TRDN: variants seen among roughly 807,000 people sequenced by gnomAD.
The protein encoded by TRDN is triadin, also known as triadin in skeletal muscle.
TRDN carries 161 observed loss-of-function variants against 149.7 expected under a neutral mutation model. That is an observed-to-expected ratio of 1.08 (90% CI 0.95 to 1.23). TRDN has a LOEUF of 1.23. Among genes scored for constraint, TRDN ranks in the 50% most tolerant of loss-of-function variants. TRDN has a pLI of 0.00. For synonymous variants in TRDN, 294 were observed against 250.5 expected (o/e 1.17, Z -1.64); for missense variants, 896 against 823.5 (o/e 1.09, Z -1.08).
chr6:123,239,170 G>T (rs1158653869), intron 38 of TRDN, among the ~76,000 whole-genome samples: 1 of 152,084 alleles, frequency 6.6e-6, no homozygotes, highest in Admixed American at 6.6e-5. Context: ...CTTTGTAAGG[G>T]ATATAGAAGT....
intron 1 of TRDN, among the ~76,000 whole-genome samples, chr6:123,626,103 G>T (rs1372753683): frequency 2.0e-5 from 3 of 152,138 alleles, no homozygotes; most frequent in Non-Finnish European, 4.4e-5. Flanking sequence ...ATCCTTTGTA[G>T]TCATTTCAAC....
intron 38 of TRDN, among the ~76,000 whole-genome samples, chr6:123,235,706 C>T (rs1775760737): frequency 6.6e-6 from 1 of 152,070 alleles, no homozygotes; most frequent in Non-Finnish European, 1.5e-5. Flanking sequence ...CCTTTGTTCT[C>T]CTCCTTTATA....
chr6:123,326,214 TA>T (rs568294763), intron 23 of TRDN, among the ~76,000 whole-genome samples: 173 of 152,258 alleles, frequency 1.1e-3, no homozygotes, highest in African/African-American at 3.8e-3. Flanking sequence ...AAATTCAGAA[TA>T]CAGGTTCACA....
intron 1 of TRDN, among the ~76,000 whole-genome samples, chr6:123,581,880 A>C (rs1395851611): frequency 6.6e-6 from 1 of 152,228 alleles, no homozygotes; most frequent in African/African-American, 2.4e-5. Flanking sequence ...TTAAATTTCC[A>C]AGTGGCAACA....
chr6:123,560,817 A>T (rs1781951810), intron 2 of TRDN, among the ~76,000 whole-genome samples: 1 of 152,154 alleles, frequency 6.6e-6, no homozygotes, highest in Non-Finnish European at 1.5e-5. Context: ...TCATCATTTC[A>T]TAACCTCTTC....
intron 20 of TRDN, among the ~76,000 whole-genome samples, chr6:123,364,561 T>C (rs576300146): frequency 1.3e-5 from 2 of 152,200 alleles, no homozygotes; most frequent in East Asian, 1.9e-4. Flanking sequence ...TGCTTGAGAA[T>C]TGCTTGAACC....
chr6:123,571,173 C>T (rs1782559542), intron 1 of TRDN, 41 bp from the exon 2 acceptor site: 3 of 1,597,902 alleles, frequency 1.9e-6, no homozygotes, highest in Non-Finnish European at 8.6e-7. Flanking sequence ...TTTAGAGATT[C>T]ATGGTAAATA....
intron 9 of TRDN, among the ~76,000 whole-genome samples, chr6:123,480,249 CAA>C (rs34445508): frequency 1.6e-4 from 16 of 98,396 alleles, no homozygotes; most frequent in Non-Finnish European, 2.3e-4. Context: ...ACTCCGTTTC[CAA>C]AAAAAAAAAA....
intron 24 of TRDN, among the ~76,000 whole-genome samples, chr6:123,302,797 T>C (rs2114673586): frequency 6.6e-6 from 1 of 152,266 alleles, no homozygotes; most frequent in South Asian, 2.1e-4. Context: ...TTAGGACTCT[T>C]GTTAAAATGC....
intron 32 of TRDN, among the ~76,000 whole-genome samples, chr6:123,267,163 G>A (rs1001177330): frequency 7.0e-6 from 1 of 142,930 alleles, no homozygotes; most frequent in African/African-American, 2.6e-5. Context: ...TTTGAAATGA[G>A]AACTGGTAGA....
chr6:123,382,647 A>G (rs1234397363), intron 14 of TRDN, among the ~76,000 whole-genome samples: 2 of 151,974 alleles, frequency 1.3e-5, no homozygotes, highest in African/African-American at 4.8e-5. Flanking sequence ...AGACATTCTT[A>G]TGGTAATGGA....
At chr6:123,397,579 A>C (rs1173285105) in intron 12 of TRDN, among the ~76,000 whole-genome samples, 1 of 152,190 alleles carries the variant, frequency 6.6e-6, no homozygotes, top group Non-Finnish European at 1.5e-5. Context: ...GACTGCTTTG[A>C]AATGGAACAT....
chr6:123,564,236 G>A (rs192584021), intron 2 of TRDN, among the ~76,000 whole-genome samples: 291 of 152,230 alleles, frequency 1.9e-3, no homozygotes, highest in Non-Finnish European at 3.0e-3. Flanking sequence ...TAGGCCTGGG[G>A]TAGTGAGCAG....
intron 24 of TRDN, among the ~76,000 whole-genome samples, chr6:123,303,227 G>A (rs1325018233): frequency 6.6e-6 from 1 of 152,206 alleles, no homozygotes; most frequent in East Asian, 1.9e-4. Flanking sequence ...ACAGAAAACT[G>A]CCTGTGCATG....
intron 8 of TRDN, chr6:123,501,788 ACT>A (rs1778710350): frequency 7.2e-6 from 6 of 832,440 alleles, no homozygotes; most frequent in South Asian, 5.5e-5. Flanking sequence ...TAGATAAATA[ACT>A]CTTTGTGTAG....
chr6:123,227,721 TTTTG>T (rs200078798), intron 38 of TRDN, among the ~76,000 whole-genome samples: 97 of 135,894 alleles, frequency 7.1e-4, no homozygotes, highest in Middle Eastern at 3.6e-3. Context: ...GCAAGGACTT[TTTTG>T]TTTGTTTGTT....
intron 1 of TRDN, among the ~76,000 whole-genome samples, chr6:123,609,356 C>A (rs1322958405): frequency 2.6e-5 from 4 of 151,902 alleles, no homozygotes; most frequent in Admixed American, 2.6e-4. Flanking sequence ...GTCAGCATAA[C>A]CCCATTTTTG....
At chr6:123,325,481 G>C (rs1779408934) in intron 23 of TRDN, among the ~76,000 whole-genome samples, 1 of 152,084 alleles carries the variant, frequency 6.6e-6, no homozygotes, top group African/African-American at 2.4e-5. Flanking sequence ...GGAGGACAAT[G>C]ACATGAGTGA....
At chr6:123,226,427 C>T (rs1027400687) in intron 38 of TRDN, among the ~76,000 whole-genome samples, 11 of 151,754 alleles carry the variant, frequency 7.2e-5, no homozygotes, top group Non-Finnish European at 1.5e-4. Context: ...TAGATTATAG[C>T]ACACTTGAAA....
Sources: gnomAD v4.1 joint callset for allele counts (sites outside exome capture counted in the v4.1 genomes callset) on GRCh38, gnomAD v4.1.1 for gene constraint, MANE v1.5 for transcripts, NCBI Gene and HGNC (gene_info 2026-07-23, HGNC 2026-07-21) for gene names.